The following SV2C variants were observed in gnomAD, a reference collection of about 807,000 sequenced individuals.
SV2C encodes the protein synaptic vesicle glycoprotein 2C.
In SV2C, 49 loss-of-function variants were observed where a neutral mutation model predicts 79.7. That is an observed-to-expected ratio of 0.61 (90% CI 0.49 to 0.78). The LOEUF (loss-of-function observed/expected upper bound fraction) is 0.78, where lower values mean the gene tolerates loss of function less well. SV2C is among the 30% of genes least tolerant of loss of function. The pLI, the probability that SV2C is intolerant of heterozygous loss-of-function variation, is 0.00. For missense variants in SV2C, 833 were observed against 912.9 expected (o/e 0.91, Z 1.13); for synonymous variants, 334 against 333.2 (o/e 1.00, Z -0.03).
At chr5:75,967,817 A>G in the SV2C span, among the ~76,000 whole-genome samples, 1 of 152,214 alleles carries the variant, frequency 6.6e-6, no homozygotes, top group African/African-American at 2.4e-5. Flanking sequence ...AGCTTTGAAG[A>G]GAGTAGTGGT....
chr5:75,932,001 C>A, the SV2C span, among the ~76,000 whole-genome samples: 1 of 152,174 alleles, frequency 6.6e-6, no homozygotes, highest in Admixed American at 6.5e-5. Flanking sequence ...AGGCTCCATA[C>A]AGCAGCCATA....
the SV2C span, among the ~76,000 whole-genome samples, chr5:75,924,695 G>A: frequency 6.6e-6 from 1 of 152,070 alleles, no homozygotes; most frequent in Non-Finnish European, 1.5e-5. Flanking sequence ...TTTAATAAAT[G>A]ATGCTACCCC....
intron 4 of SV2C, among the ~76,000 whole-genome samples, chr5:76,272,916 A>G (rs188964789): frequency 8.1e-4 from 123 of 151,970 alleles, no homozygotes; most frequent in African/African-American, 2.8e-3. Flanking sequence ...ATACAAAAGT[A>G]TACATTTCAC....
rs537478353 is a variant in SV2C at position 76,128,387 on chromosome 5, G to A, written c.-101-3263G>A. 2.6e-5 allele frequency among the ~76,000 whole-genome samples: 4 copies of A among 152,328 alleles called. No homozygotes were observed. The East Asian group carries it at 7.7e-4, about 29-fold the overall frequency. On this transcript the variant is annotated intron_variant, in intron 1 of 12. Transcript: ENST00000502798. ...ATGTAGAAGACAATTTAGAGAAGCG[G>A]TTATAAAACAATTTTAGTGTAGGAA... is the stretch of plus-strand genomic sequence containing the variant.
intron 1 of SV2C, among the ~76,000 whole-genome samples, chr5:76,101,320 G>C (rs1320035720): frequency 6.6e-5 from 10 of 152,176 alleles, no homozygotes. Flanking sequence ...TTGAAATCAG[G>C]TGTACAGTGG....
intron 12 of SV2C, among the ~76,000 whole-genome samples, chr5:76,309,972 T>C (rs1335968618): frequency 1.3e-5 from 2 of 152,142 alleles, no homozygotes; most frequent in Non-Finnish European, 2.9e-5. Flanking sequence ...GGCTGTCCGA[T>C]TGGCATTTGA....
At chr5:76,083,370 G>C (rs912137445), upstream of SV2C, 1 of 152,384 alleles carries the variant, frequency 6.6e-6, no homozygotes, top group Non-Finnish European at 1.5e-5. Flanking sequence ...CCGCTGACAC[G>C]CTCAGAGGAG....
chr5:76,294,365 G>A (rs377683230), intron 8 of SV2C, among the ~76,000 whole-genome samples: 1 of 140,462 alleles, frequency 7.1e-6, no homozygotes, highest in South Asian at 2.2e-4. Context: ...GCATTGGCAC[G>A]ATATCGGCTC....
downstream of SV2C, among the ~76,000 whole-genome samples, chr5:76,335,801 A>G (rs1749306729): frequency 6.6e-6 from 1 of 151,928 alleles, no homozygotes; most frequent in Non-Finnish European, 1.5e-5. Context: ...AACAAAATGA[A>G]AAGTCTCCCG....
chr5:76,326,835 GC>G lies in SV2C; in HGVS notation c.*1291del, dbSNP rs1455864206. The G allele has an allele frequency of 6.6e-6, 1 of 152,254 alleles. No homozygotes were observed. Among genetic ancestry groups the G allele is most frequent in the Non-Finnish European group, 1.5e-5 (1 of 68,108 alleles). 9.4% of individuals were successfully genotyped at this position (152,254 alleles called of 1,614,324 possible). A position where few individuals can be genotyped will look rare whatever the true frequency, so the allele number is the denominator to read the frequency against. On this transcript the variant is annotated 3_prime_UTR_variant, in exon 13 of 13. Coordinates refer to ENST00000502798, the MANE Select transcript of SV2C (RefSeq NM_014979.4). Reference sequence around the variant, plus strand: ...GAGGTCAGCCAGGACATTCCCACGGGCCCGCTGTCAGCTACATGACCTTCTC... The same window carrying G: ...GAGGTCAGCCAGGACATTCCCACGGGCCGCTGTCAGCTACATGACCTTCTC...
intron 2 of SV2C, among the ~76,000 whole-genome samples, chr5:76,184,929 T>C (rs1743866501): frequency 6.6e-6 from 1 of 152,120 alleles, no homozygotes; most frequent in Non-Finnish European, 1.5e-5. Flanking sequence ...AAGTCCAAAG[T>C]CTCATCTGAG....
At chr5:76,096,269 A>G (rs1036744493) in intron 1 of SV2C, among the ~76,000 whole-genome samples, 1 of 152,178 alleles carries the variant, frequency 6.6e-6, no homozygotes, top group Non-Finnish European at 1.5e-5. Context: ...CATGTCCAAC[A>G]TCATAAATTT....
intron 4 of SV2C, among the ~76,000 whole-genome samples, chr5:76,256,572 G>A (rs1365263181): frequency 6.6e-6 from 1 of 152,168 alleles, no homozygotes; most frequent in Non-Finnish European, 1.5e-5. Context: ...TTAATTTTCT[G>A]CAGAAGCTTT....
the SV2C span, among the ~76,000 whole-genome samples, chr5:75,949,249 A>G: frequency 6.6e-6 from 1 of 152,134 alleles, no homozygotes; most frequent in South Asian, 2.1e-4. Context: ...ACTGTGAGCC[A>G]ATTAAACCTC....
the SV2C span, among the ~76,000 whole-genome samples, chr5:76,024,585 A>G: frequency 6.6e-6 from 1 of 152,060 alleles, no homozygotes; most frequent in Non-Finnish European, 1.5e-5. Flanking sequence ...TTCTCCAGTC[A>G]ATCATTTATG....
the SV2C span, among the ~76,000 whole-genome samples, chr5:75,893,111 G>A: frequency 1.3e-5 from 2 of 152,104 alleles, no homozygotes; most frequent in East Asian, 3.9e-4. Flanking sequence ...TTTAGTGATA[G>A]CCATTCTGAT....
the SV2C span, among the ~76,000 whole-genome samples, chr5:75,991,590 C>CATAT: frequency 2.8e-5 from 4 of 144,322 alleles, no homozygotes; most frequent in African/African-American, 1.0e-4. Context: ...TATATACACA[C>CATAT]ATATATATAT....
chr5:76,256,565 A>C (rs191866293), intron 4 of SV2C, among the ~76,000 whole-genome samples: 2 of 152,176 alleles, frequency 1.3e-5, no homozygotes, highest in Non-Finnish European at 2.9e-5. Context: ...ATCACTCTTA[A>C]TTTTCTGCAG....
At chr5:76,027,059 CT>C in the SV2C span, among the ~76,000 whole-genome samples, 7,223 of 122,116 alleles carry the variant, frequency 0.059, 175 homozygotes, top group African/African-American at 0.16. Flanking sequence ...TTTCAGTTGT[CT>C]TTTTTTTTTT....
Sources: gnomAD v4.1 joint callset for allele counts (sites outside exome capture counted in the v4.1 genomes callset) on GRCh38, gnomAD v4.1.1 for gene constraint, MANE v1.5 for transcripts, NCBI Gene and HGNC (gene_info 2026-07-23, HGNC 2026-07-21) for gene names.